TMEM178B: variants seen among roughly 807,000 people sequenced by gnomAD.
TMEM178B encodes the protein transmembrane protein 178B.
Under a neutral mutation model 31.0 loss-of-function variants are expected in TMEM178B, and 5 were observed. The observed-to-expected ratio is 0.16, with a 90% CI of 0.08 to 0.34. TMEM178B has a LOEUF of 0.34. Among genes scored for constraint, TMEM178B ranks in the 10% least tolerant of loss-of-function variants. The pLI is 1.00. For synonymous variants in TMEM178B, 164 were observed against 164.0 expected (o/e 1.00, Z 0.00); for missense variants, 275 against 400.3 (o/e 0.69, Z 2.67).
rs192908766 is a variant in TMEM178B at position 141,386,095 on chromosome 7, A to G, written c.497-51513A>G. Among the ~76,000 whole-genome samples, 4 of 152,358 alleles carry G rather than the reference A, an allele frequency of 2.6e-5. No homozygotes were observed. The East Asian group carries it at 7.7e-4, about 29-fold the overall frequency. ...AAGAGGACCAGAAATCTTGGGCCTT[A>G]TGAGCAGGTGGCCTCTAAAAAACAG... is the stretch of plus-strand genomic sequence containing the variant. On this transcript the variant is annotated intron_variant, in intron 2 of 3. Coordinates refer to ENST00000565468, the MANE Select transcript of TMEM178B (RefSeq NM_001195278.2).
At chr7:141,094,337 T>C (rs1431737603) in intron 1 of TMEM178B, among the ~76,000 whole-genome samples, 1 of 152,192 alleles carries the variant, frequency 6.6e-6, no homozygotes, top group African/African-American at 2.4e-5. Context: ...GCTTTATGCT[T>C]TTTAGAAGAG....
chr7:141,273,761 A>G (rs1798222669), intron 2 of TMEM178B, among the ~76,000 whole-genome samples: 1 of 152,156 alleles, frequency 6.6e-6, no homozygotes, highest in Non-Finnish European at 1.5e-5. Context: ...CACCATCTCC[A>G]TACAGGCACT....
chr7:141,163,201 C>T (rs1290027016), intron 1 of TMEM178B, among the ~76,000 whole-genome samples: 6 of 152,182 alleles, frequency 3.9e-5, no homozygotes, highest in Non-Finnish European at 8.8e-5. Context: ...TCTTCATGTA[C>T]TTATCCCCCT....
chr7:141,417,930 C>G (rs1029387120), intron 2 of TMEM178B, among the ~76,000 whole-genome samples: 1 of 152,086 alleles, frequency 6.6e-6, no homozygotes, highest in African/African-American at 2.4e-5. Flanking sequence ...GAGGTAGATC[C>G]AGAGCTTAAG....
Position 141,437,661 on chromosome 7 carries a change from T to G in TMEM178B, c.550T>G (p.Phe184Val). ...GGGCATGGCGGTGGCCATCATCCTC[T>G]TTGGCTGGATCATCGGCGTGCTGGG... ...FMGMAVAIILFGWIIGVLGCC... is the reference protein window; with the variant it reads ...FMGMAVAIILVGWIIGVLGCC... The change falls in exon 3 of 4, where the codon TTT becomes GTT. Residue 184 changes from phenylalanine (F) to valine (V), a missense_variant. Phe to Val is a conservative substitution (Grantham distance 50). Coordinates refer to ENST00000565468, the MANE Select transcript of TMEM178B (RefSeq NM_001195278.2). The G allele has an allele frequency of 6.5e-7, 1 of 1,536,108 alleles. No individual in the cohort carries two copies. Among genetic ancestry groups the G allele is most frequent in the Non-Finnish European group, 8.7e-7 (1 of 1,146,876 alleles).
chr7:141,271,966 A>G (rs1488186914), intron 2 of TMEM178B, among the ~76,000 whole-genome samples: 2 of 152,134 alleles, frequency 1.3e-5, no homozygotes, highest in African/African-American at 4.8e-5. Flanking sequence ...CCTCATCTTC[A>G]TGTCCTTGCA....
intron 2 of TMEM178B, among the ~76,000 whole-genome samples, chr7:141,334,896 C>T (rs1356780165): frequency 6.6e-6 from 1 of 152,172 alleles, no homozygotes; most frequent in Non-Finnish European, 1.5e-5. Flanking sequence ...GGCAAGCTGC[C>T]AGGCAGCTGG....
At chr7:141,230,562 G>A (rs1033468022) in intron 2 of TMEM178B, among the ~76,000 whole-genome samples, 1 of 151,998 alleles carries the variant, frequency 6.6e-6, no homozygotes, top group Non-Finnish European at 1.5e-5. Context: ...TGTGCCACTT[G>A]GCCAAAGACT....
intron 1 of TMEM178B, among the ~76,000 whole-genome samples, chr7:141,087,384 G>A (rs1428259112): frequency 6.6e-6 from 1 of 152,164 alleles, no homozygotes; most frequent in Non-Finnish European, 1.5e-5. Flanking sequence ...GAGACTAATG[G>A]ACAAGTCATT....
intron 2 of TMEM178B, among the ~76,000 whole-genome samples, chr7:141,314,622 G>A (rs112380125): frequency 0.012 from 1,863 of 152,258 alleles, 44 homozygotes; most frequent in African/African-American, 0.042. Context: ...CCTTTCTTGG[G>A]CATCCTCATT....
chr7:141,374,886 C>G (rs1362133877), intron 2 of TMEM178B, among the ~76,000 whole-genome samples: 2 of 152,212 alleles, frequency 1.3e-5, no homozygotes, highest in Non-Finnish European at 2.9e-5. Flanking sequence ...AAGCAGTATA[C>G]CAACTGCATT....
At chr7:141,377,827 C>T (rs753390787) in intron 2 of TMEM178B, among the ~76,000 whole-genome samples, 1 of 152,080 alleles carries the variant, frequency 6.6e-6, no homozygotes, top group Non-Finnish European at 1.5e-5. Context: ...TTTAGATTTA[C>T]AGAAAAGTTG....
intron 2 of TMEM178B, among the ~76,000 whole-genome samples, chr7:141,340,498 A>G (rs770946671): frequency 9.9e-5 from 15 of 152,236 alleles, no homozygotes; most frequent in Non-Finnish European, 1.6e-4. Context: ...AGAAGGTTTT[A>G]TGTTTTTCAA....
intron 1 of TMEM178B, among the ~76,000 whole-genome samples, chr7:141,102,821 T>C (rs1317272091): frequency 6.6e-6 from 1 of 152,232 alleles, no homozygotes; most frequent in Non-Finnish European, 1.5e-5. Flanking sequence ...CCACTGATCA[T>C]GGTTCCTTTG....
At chr7:141,125,301 A>G (rs1438071289) in intron 1 of TMEM178B, among the ~76,000 whole-genome samples, 1 of 152,184 alleles carries the variant, frequency 6.6e-6, no homozygotes, top group East Asian at 1.9e-4. Flanking sequence ...GAAGCCTGTT[A>G]TAAAATCTGG....
In TMEM178B at chr7:141,074,820, G is replaced by A. The variant is rs1049460128; in HGVS notation, c.382+128G>A. The A allele has an allele frequency of 7.8e-7, 1 of 1,289,016 alleles. No homozygotes were observed. Among genetic ancestry groups the A allele is most frequent in the Admixed American group, 2.9e-5 (1 of 34,636 alleles). The allele number at this position is 1,289,016 out of a possible 1,614,324, so 79.8% of individuals were successfully genotyped here. On this transcript the variant is annotated intron_variant, in intron 1 of 3. Transcript: ENST00000565468. The surrounding 1 kb of genome is among the most constrained non-coding windows in gnomAD (Gnocchi z 5.1). ...GGTTCCAGGCGGTCCGGTTATCCAG[G>A]CCTGGCTGAGCCTCGGGGCCAGGAC...
rs531488476 is a variant in TMEM178B, at chr7:141,386,432, C to G, written c.497-51176C>G. ...CTACTTTTGCTTTCTATGGAGCTGC[C>G]TATTACCTTACATGAAGGTCTTGTA... On this transcript the variant is annotated intron_variant, in intron 2 of 3. Transcript: ENST00000565468. 2.6e-5 allele frequency among the ~76,000 whole-genome samples: 4 copies of G among 152,296 alleles called. No homozygotes were observed. The East Asian group carries it at 7.7e-4, about 29-fold the overall frequency.
chr7:141,152,891 A>G (rs1796000249), intron 1 of TMEM178B, among the ~76,000 whole-genome samples: 1 of 152,260 alleles, frequency 6.6e-6, no homozygotes, highest in African/African-American at 2.4e-5. Context: ...TGTGCCAGGA[A>G]TTGTGCTAAG....
intron 2 of TMEM178B, among the ~76,000 whole-genome samples, chr7:141,323,519 G>A (rs7806926): frequency 0.14 from 21,117 of 152,148 alleles, 2,076 homozygotes; most frequent in African/African-American, 0.27. Flanking sequence ...TCACTTTATG[G>A]CTGTATTATT....
Sources: gnomAD v4.1 joint callset for allele counts (sites outside exome capture counted in the v4.1 genomes callset) on GRCh38, gnomAD v4.1.1 for gene constraint, Gnocchi (gnomAD v3.1) non-coding constraint, MANE v1.5 for transcripts, NCBI Gene and HGNC (gene_info 2026-07-23, HGNC 2026-07-21) for gene names.